SERPINE2: variants seen among roughly 807,000 people sequenced by gnomAD.
SERPINE2 encodes glia-derived nexin.
In SERPINE2, 14 loss-of-function variants were observed where a neutral mutation model predicts 36.3. The ratio of observed to expected loss-of-function variants is 0.39; its 90% CI spans 0.25 to 0.60. SERPINE2 has a LOEUF of 0.60. SERPINE2 is among the 20% of genes least tolerant of loss of function. The pLI is 0.57. For synonymous variants in SERPINE2, 192 were observed against 191.8 expected (o/e 1.00, Z -0.01); for missense variants, 418 against 499.6 (o/e 0.84, Z 1.56).
intron 1 of SERPINE2, chr2:224,038,713 C>A: frequency 1.7e-6 from 1 of 603,990 alleles, no homozygotes; most frequent in Non-Finnish European, 3.0e-6. Flanking sequence ...TGCCGGCGAG[C>A]AGCTGGAAAC....
chr2:223,977,497 T>C (rs761605447), intron 8 of SERPINE2, 47 bp downstream of exon 8: 7 of 1,250,280 alleles, frequency 5.6e-6, no homozygotes, highest in Non-Finnish European at 8.2e-6. Context: ...AATATACCTT[T>C]TGAAATTCTA....
At chr2:223,978,419 CA>C (rs1690095852) in intron 7 of SERPINE2, 1 of 152,304 alleles carries the variant, frequency 6.6e-6, no homozygotes. Context: ...TCCTTTGGCA[CA>C]TTATTTAGGT....
chr2:224,031,549 G>A (rs1238116987), intron 1 of SERPINE2: 6 of 976,914 alleles, frequency 6.1e-6, no homozygotes, highest in African/African-American at 1.8e-5. Flanking sequence ...GTACACGGAA[G>A]GGCATGTGAC....
chr2:224,030,363 T>TACAGGTGA, intron 1 of SERPINE2: 1 of 312,600 alleles, frequency 3.2e-6, no homozygotes, highest in Non-Finnish European at 4.7e-6. Flanking sequence ...CTCAGAGAAG[T>TACAGGTGA]GCTCACCTGT....
At chr2:224,032,731 G>A (rs1692420133) in intron 1 of SERPINE2, among the ~76,000 whole-genome samples, 1 of 152,304 alleles carries the variant, frequency 6.6e-6, no homozygotes, top group South Asian at 2.1e-4. Flanking sequence ...CAAAAGCCTG[G>A]GTGTTCCTGA....
intron 4 of SERPINE2, 73 bp downstream of exon 4, chr2:223,991,730 T>C: frequency 6.8e-7 from 1 of 1,462,224 alleles, no homozygotes; most frequent in South Asian, 1.1e-5. Context: ...TGCTCTGGAA[T>C]TAAGTTAAAG....
Position 224,001,630 on chromosome 2 carries a change from G to A in SERPINE2, c.259+12C>T, listed in dbSNP as rs1253056547. The A allele has an allele frequency of 1.2e-6, 2 of 1,608,880 alleles. No homozygotes were observed. The highest frequency in any genetic ancestry group is 3.3e-5 in the Admixed American group (2 of 59,966). ...GCAAAGGCTCCGCCAGTGAGCAATT[G>A]TGCACACGCACCATTTACGCCGTAT... is the stretch of plus-strand genomic sequence containing the variant. On this transcript the variant is annotated intron_variant, in intron 2 of 8. Coordinates refer to ENST00000409304, the MANE Select transcript of SERPINE2 (RefSeq NM_001136528.2).
At chr2:224,012,717 CCGTTA>C (rs1262162498) in intron 1 of SERPINE2, among the ~76,000 whole-genome samples, 1 of 152,046 alleles carries the variant, frequency 6.6e-6, no homozygotes, top group Non-Finnish European at 1.5e-5. Flanking sequence ...ATTCTGTATA[CCGTTA>C]TGTAGCCTTC....
At chr2:224,013,209 G>T (rs4574110) in intron 1 of SERPINE2, among the ~76,000 whole-genome samples, 2 of 152,060 alleles carry the variant, frequency 1.3e-5, no homozygotes, top group Non-Finnish European at 2.9e-5. Context: ...AAATAGGAAC[G>T]TGGGAGCTGC....
At chr2:224,025,425 C>T (rs1692150351) in intron 1 of SERPINE2, among the ~76,000 whole-genome samples, 1 of 152,222 alleles carries the variant, frequency 6.6e-6, no homozygotes, top group Non-Finnish European at 1.5e-5. Flanking sequence ...TTCTAATTCC[C>T]ATGCATGCTT....
At chr2:224,031,964 C>G (rs1692394837) in intron 1 of SERPINE2, among the ~76,000 whole-genome samples, 1 of 152,186 alleles carries the variant, frequency 6.6e-6, no homozygotes, top group South Asian at 2.1e-4. Context: ...TCTTCAGGGC[C>G]AGAGTCACCT....
intron 1 of SERPINE2, among the ~76,000 whole-genome samples, chr2:224,037,319 T>C (rs1041093493): frequency 3.9e-5 from 6 of 152,124 alleles, no homozygotes; most frequent in Non-Finnish European, 8.8e-5. Flanking sequence ...AGGAAAAGCA[T>C]TGGAGATCGC....
chr2:224,017,078 T>C (rs569919424), intron 1 of SERPINE2, among the ~76,000 whole-genome samples: 20 of 152,274 alleles, frequency 1.3e-4, no homozygotes, highest in Non-Finnish European at 1.8e-4. Context: ...AGTCCATACA[T>C]GTGATAAAAC....
At chr2:223,998,380 A>G in intron 2 of SERPINE2, 38 bp from the exon 3 acceptor site, 1 of 1,512,328 alleles carries the variant, frequency 6.6e-7, no homozygotes, top group Non-Finnish European at 9.2e-7. Context: ...ATACTTCCAT[A>G]AGAATCTAGA....
At chr2:223,978,524 A>C (rs1690102083) in intron 7 of SERPINE2, 1 of 152,262 alleles carries the variant, frequency 6.6e-6, no homozygotes, top group African/African-American at 2.4e-5. Flanking sequence ...CTTGGAAAGC[A>C]AACTTCTTTA....
intron 7 of SERPINE2, chr2:223,978,472 T>C (rs1690098313): frequency 6.6e-6 from 1 of 152,270 alleles, no homozygotes; most frequent in African/African-American, 2.4e-5. Flanking sequence ...CGGGACCTAC[T>C]ACCTTATACT....
chr2:223,996,040 G>C (rs1440111118), intron 3 of SERPINE2, among the ~76,000 whole-genome samples: 6 of 152,204 alleles, frequency 3.9e-5, no homozygotes, highest in Non-Finnish European at 5.9e-5. Context: ...ATAGTAAAGA[G>C]AGTATTAAAA....
Position 223,993,528 on chromosome 2 carries a change from A to ATGTGTG in SERPINE2, c.488-1529_488-1528insCACACA, listed in dbSNP as rs1344521820. Among the ~76,000 whole-genome samples, 45 of 72,530 alleles carry ATGTGTG rather than the reference A, an allele frequency of 6.2e-4. 1 individual carries two copies. The South Asian group carries it at 0.027, about 44-fold the overall frequency. The allele number at this position is 72,530 out of a possible 152,430, so 47.6% of individuals were successfully genotyped here. On this transcript the variant is annotated intron_variant, in intron 3 of 8. Transcript: ENST00000409304. ...AGTTCACTGCATTATTAGCTCAAAT[A>ATGTGTG]TATGTGTGTGTGTGTGTGTGTGTGT...
intron 4 of SERPINE2, among the ~76,000 whole-genome samples, chr2:223,990,439 C>A (rs753346096): frequency 6.6e-6 from 1 of 152,064 alleles, no homozygotes; most frequent in Non-Finnish European, 1.5e-5. Context: ...TGTTATATTT[C>A]TGTAAAAACA....
Sources: allele counts gnomAD v4.1 joint callset (sites outside exome capture counted in the v4.1 genomes callset), GRCh38; gene constraint gnomAD v4.1.1; transcripts MANE v1.5; gene names NCBI Gene and HGNC (gene_info 2026-07-23, HGNC 2026-07-21).